SGCZ: variants seen among roughly 807,000 people sequenced by gnomAD.
SGCZ encodes sarcoglycan zeta, also known as zeta-sarcoglycan.
SGCZ carries 40 observed loss-of-function variants against 41.3 expected under a neutral mutation model. The ratio of observed to expected loss-of-function variants is 0.97; its 90% CI spans 0.75 to 1.26. The LOEUF (loss-of-function observed/expected upper bound fraction) is 1.26, where lower values mean the gene tolerates loss of function less well. SGCZ is among the 50% of genes most tolerant of loss of function. The pLI is 0.00. For missense variants in SGCZ, 552 were observed against 369.8 expected, an observed-to-expected ratio of 1.49 and a Z score of -4.04; for synonymous variants, 206 against 137.5, an observed-to-expected ratio of 1.50 and a Z score of -3.49.
At chr8:14,520,956 T>A (rs1001174912) in intron 2 of SGCZ, among the ~76,000 whole-genome samples, 1 of 152,122 alleles carries the variant, frequency 6.6e-6, no homozygotes, top group African/African-American at 2.4e-5. Flanking sequence ...AAACATAGAA[T>A]CAAGAAGATA....
rs564788193 is a variant in SGCZ, at chr8:15,180,039, A to G, written c.39+57546T>C. The stretch of plus-strand genomic sequence containing the variant: ...CACATTTTTACTATGTGTTATAAAA[A>G]AAATTAAAAGTGATTACAGAAGGTT... On this transcript the variant is annotated intron_variant, in intron 1 of 7. Coordinates refer to ENST00000382080, the MANE Select transcript of SGCZ (RefSeq NM_139167.4). Among the ~76,000 whole-genome samples the G allele has an allele frequency of 1.7e-4, 26 of 152,324 alleles. 1 individual carries two copies. Among genetic ancestry groups the G allele is most frequent in the Middle Eastern group, 3.4e-3 (1 of 294 alleles).
intron 1 of SGCZ, among the ~76,000 whole-genome samples, chr8:14,714,263 G>A (rs893182442): frequency 7.2e-5 from 11 of 151,974 alleles, no homozygotes; most frequent in African/African-American, 1.9e-4. Context: ...CACCGTGTCC[G>A]ACCCTGAAAT....
rs1417667477 is a variant in SGCZ at position 14,090,641 on chromosome 8, T to C, written c.745-4A>G. ...TTGTCTCTGCATTTAAAAATATCTA[T>C]GGGAAAAAAGAAATTGCATTTTAAT... is the stretch of plus-strand genomic sequence containing the variant. On this transcript the variant is annotated splice_polypyrimidine_tract_variant and splice_region_variant and intron_variant, in intron 7 of 7. Transcript: ENST00000382080. The C allele has an allele frequency of 2.5e-6, 4 of 1,606,466 alleles. No individual in the cohort carries two copies. Among genetic ancestry groups the C allele is most frequent in the Non-Finnish European group, 3.4e-6 (4 of 1,177,588 alleles).
intron 1 of SGCZ, among the ~76,000 whole-genome samples, chr8:15,158,452 G>A (rs1472968500): frequency 6.6e-6 from 1 of 151,994 alleles, no homozygotes. Flanking sequence ...TATATACTTG[G>A]GTTAAAAAGA....
intron 1 of SGCZ, among the ~76,000 whole-genome samples, chr8:15,200,481 T>C (rs1386189712): frequency 6.6e-6 from 1 of 152,140 alleles, no homozygotes; most frequent in Non-Finnish European, 1.5e-5. Context: ...AGGAGATATC[T>C]GGAGCTCCCT....
intron 1 of SGCZ, among the ~76,000 whole-genome samples, chr8:14,736,871 C>A (rs1405573531): frequency 6.6e-6 from 1 of 151,956 alleles, no homozygotes; most frequent in African/African-American, 2.4e-5. Flanking sequence ...AATCCCACTA[C>A]CGGGTATCTA....
chr8:14,301,401 C>G (rs1351751358), intron 3 of SGCZ, among the ~76,000 whole-genome samples: 2 of 151,982 alleles, frequency 1.3e-5, no homozygotes, highest in Non-Finnish European at 2.9e-5. Context: ...GTTGAAAAGC[C>G]TAACATCTTT....
intron 3 of SGCZ, among the ~76,000 whole-genome samples, chr8:14,294,367 G>A (rs924955000): frequency 2.0e-5 from 3 of 151,718 alleles, no homozygotes; most frequent in African/African-American, 7.3e-5. Flanking sequence ...CCATCTAAGA[G>A]TTGGAATTGC....
intron 1 of SGCZ, among the ~76,000 whole-genome samples, chr8:14,595,430 C>G (rs1027011080): frequency 6.6e-6 from 1 of 151,274 alleles, no homozygotes; most frequent in African/African-American, 2.4e-5. Context: ...CACACACACA[C>G]ACACACACAC....
At chr8:14,237,027 T>C (rs1050465595) in intron 4 of SGCZ, among the ~76,000 whole-genome samples, 2 of 152,132 alleles carry the variant, frequency 1.3e-5, no homozygotes, top group African/African-American at 4.8e-5. Flanking sequence ...CTCATGCAAT[T>C]TCTAATTTAT....
chr8:14,330,780 T>C (rs6530765), intron 2 of SGCZ, among the ~76,000 whole-genome samples: 98,559 of 151,754 alleles, frequency 0.65, 32,261 homozygotes, highest in South Asian at 0.83. Flanking sequence ...AGAAATGTAA[T>C]GGCCATAGTG....
At chr8:14,987,237 A>G (rs1801853611) in intron 1 of SGCZ, among the ~76,000 whole-genome samples, 2 of 151,986 alleles carry the variant, frequency 1.3e-5, no homozygotes, top group African/African-American at 2.4e-5. Context: ...AGAATGAAAT[A>G]TACTGTATAA....
intron 2 of SGCZ, among the ~76,000 whole-genome samples, chr8:14,430,733 T>A (rs1001325141): frequency 6.6e-6 from 1 of 152,126 alleles, no homozygotes; most frequent in African/African-American, 2.4e-5. Flanking sequence ...GGCATCCAAA[T>A]CGGAAAAGAG....
chr8:14,491,262 C>T (rs1278646113), intron 2 of SGCZ, among the ~76,000 whole-genome samples: 1 of 151,942 alleles, frequency 6.6e-6, no homozygotes, highest in Non-Finnish European at 1.5e-5. Context: ...TGTAAACACA[C>T]ACACACTCAC....
At chr8:14,608,750 C>A (rs1179085640) in intron 1 of SGCZ, among the ~76,000 whole-genome samples, 1 of 151,944 alleles carries the variant, frequency 6.6e-6, no homozygotes, top group African/African-American at 2.4e-5. Context: ...TTCTACCAGG[C>A]CCCACGTCCA....
intron 2 of SGCZ, among the ~76,000 whole-genome samples, chr8:14,462,003 C>T (rs962767375): frequency 4.6e-5 from 7 of 151,842 alleles, no homozygotes; most frequent in South Asian, 2.1e-4. Context: ...AAAAATTTAC[C>T]TCATTCAATT....
At chr8:14,307,322 G>A (rs1801381599) in intron 3 of SGCZ, among the ~76,000 whole-genome samples, 1 of 152,114 alleles carries the variant, frequency 6.6e-6, no homozygotes, top group Non-Finnish European at 1.5e-5. Flanking sequence ...CAAAGAAACA[G>A]TTCAGCTACA....
chr8:14,419,067 A>G (rs950339101), intron 2 of SGCZ, among the ~76,000 whole-genome samples: 3 of 151,954 alleles, frequency 2.0e-5, no homozygotes, highest in Admixed American at 6.6e-5. Context: ...ACATGGCAAC[A>G]TAAGAAGCCT....
Position 14,717,756 on chromosome 8 carries a change from A to C in SGCZ, c.40-162830T>G, listed in dbSNP as rs374596355. ...CATTCTTAGCTGGCACTTGAATTCT[A>C]ATCACAATTCTTCTACAACTGTGTG... On this transcript the variant is annotated intron_variant, in intron 1 of 7. Transcript: ENST00000382080. Among the ~76,000 whole-genome samples the C allele has an allele frequency of 1.4e-3, 209 of 152,258 alleles. 1 individual carries two copies. The highest frequency in any genetic ancestry group is 6.8e-3 in the Middle Eastern group (2 of 294).
Sources: allele counts gnomAD v4.1 joint callset (sites outside exome capture counted in the v4.1 genomes callset), GRCh38; gene constraint gnomAD v4.1.1; transcripts MANE v1.5; gene names NCBI Gene and HGNC (gene_info 2026-07-23, HGNC 2026-07-21).